ACOT1: variants seen among roughly 807,000 people sequenced by gnomAD.
ACOT1 encodes acyl-coenzyme A thioesterase 1.
In ACOT1, 8 loss-of-function variants were observed where a neutral mutation model predicts 15.7. The ratio of observed to expected loss-of-function variants is 0.51; its 90% CI spans 0.30 to 0.92. ACOT1 has a LOEUF of 0.92. Ranked by LOEUF, ACOT1 falls within the 40% of genes least tolerant of loss-of-function variation. The probability of loss-of-function intolerance (pLI) is 0.06; values close to 1 mark genes in which losing one functional copy is unlikely to be tolerated. For synonymous variants in ACOT1, 67 were observed against 241.2 expected, an observed-to-expected ratio of 0.28 and a Z score of 6.69; for missense variants, 151 against 539.4, an observed-to-expected ratio of 0.28 and a Z score of 7.13.
chr14:73,508,352 C>T, the ACOT1 span: 4 of 1,546,812 alleles, frequency 2.6e-6, no homozygotes, highest in Non-Finnish European at 3.6e-6. Flanking sequence ...CCCTAGAGAA[C>T]AGCCTTTGGA....
the ACOT1 span, among the ~76,000 whole-genome samples, chr14:73,528,178 T>A: frequency 2.0e-5 from 3 of 151,856 alleles, no homozygotes; most frequent in African/African-American, 4.8e-5. Context: ...GCAGATCACC[T>A]GAGGTCAGGA....
At chr14:73,512,583 T>C in the ACOT1 span, among the ~76,000 whole-genome samples, 3 of 152,326 alleles carry the variant, frequency 2.0e-5, no homozygotes, top group African/African-American at 7.2e-5. Context: ...AACCCACATA[T>C]TGAGTTATTC....
At chr14:73,500,674 C>T in the ACOT1 span, 2 of 1,614,196 alleles carry the variant, frequency 1.2e-6, no homozygotes, top group Non-Finnish European at 8.5e-7. Context: ...CTTGAGCTCA[C>T]CTATCAGGTA....
chr14:73,491,553 C>G, the ACOT1 span: 241 of 1,535,748 alleles, frequency 1.6e-4, no homozygotes, highest in Non-Finnish European at 2.0e-4. Context: ...GGTGGGGAGC[C>G]GGCCTGGGAC....
the ACOT1 span, among the ~76,000 whole-genome samples, chr14:73,507,946 A>G: frequency 9.9e-4 from 151 of 152,236 alleles, no homozygotes; most frequent in East Asian, 0.017. Flanking sequence ...GGTTTCACCC[A>G]TGTTGGCCAG....
chr14:73,510,909 A>G, the ACOT1 span, among the ~76,000 whole-genome samples: 1 of 152,236 alleles, frequency 6.6e-6, no homozygotes, highest in Non-Finnish European at 1.5e-5. Flanking sequence ...TATAAGTTAC[A>G]GTATCCAGGG....
At chr14:73,506,915 C>T in the ACOT1 span, among the ~76,000 whole-genome samples, 2 of 148,748 alleles carry the variant, frequency 1.3e-5, no homozygotes, top group East Asian at 4.1e-4. Flanking sequence ...ATTCTGTTGC[C>T]TCAGCCTCCC....
At chr14:73,492,481 G>A in the ACOT1 span, 1 of 1,613,718 alleles carries the variant, frequency 6.2e-7, no homozygotes, top group Non-Finnish European at 8.5e-7. The surrounding 1 kb of genome is among the most constrained non-coding windows in gnomAD (Gnocchi z 4.9). Context: ...TTGCCCGCCT[G>A]GGACACTTTG....
chr14:73,494,407 C>T, the ACOT1 span, among the ~76,000 whole-genome samples: 3 of 152,126 alleles, frequency 2.0e-5, no homozygotes, highest in African/African-American at 4.8e-5. Flanking sequence ...GAGTCTGTCA[C>T]CATAATGGAT....
upstream of ACOT1, among the ~76,000 whole-genome samples, chr14:73,535,031 T>A (rs1888817259): frequency 8.7e-6 from 1 of 114,518 alleles, no homozygotes; most frequent in Non-Finnish European, 1.9e-5. Context: ...CTAACCTGCT[T>A]TTTTTCATCA....
chr14:73,532,063 G>A, the ACOT1 span, among the ~76,000 whole-genome samples: 3 of 114,592 alleles, frequency 2.6e-5, 1 homozygote, highest in African/African-American at 8.5e-5. Context: ...CCCTCTAGAT[G>A]TATGCGGCTC....
chr14:73,509,216 T>TG, the ACOT1 span: 1 of 1,204,368 alleles, frequency 8.3e-7, no homozygotes, highest in Non-Finnish European at 1.2e-6. Flanking sequence ...CAGCAGACAT[T>TG]GCAGAGCATC....
At chr14:73,523,577 T>C in the ACOT1 span, among the ~76,000 whole-genome samples, 1 of 152,306 alleles carries the variant, frequency 6.6e-6, no homozygotes, top group Non-Finnish European at 1.5e-5. Context: ...CATTCAGGGT[T>C]CTCCATGAGT....
the ACOT1 span, chr14:73,491,376 C>T: frequency 2.2e-6 from 3 of 1,359,972 alleles, no homozygotes; most frequent in African/African-American, 3.1e-5. Flanking sequence ...ACCCCGTCGG[C>T]GCGCCTGGTG....
chr14:73,500,425 C>G, the ACOT1 span: 213 of 1,044,310 alleles, frequency 2.0e-4, no homozygotes, highest in Non-Finnish European at 2.7e-4. Flanking sequence ...TTATACACCC[C>G]CTTCCCAGTT....
At position 73,537,865 on chromosome 14, in the gene ACOT1, C is replaced by T. The variant is rs780322881; in HGVS notation, c.444C>T (p.Leu148=). The T allele has an allele frequency of 1.7e-6, 2 of 1,199,022 alleles. 1 individual carries two copies. Among genetic ancestry groups the T allele is most frequent in the Admixed American group, 5.9e-5 (2 of 34,134 alleles). 74.3% of individuals were successfully genotyped at this position (1,199,022 alleles called of 1,614,324 possible). The change falls in exon 1 of 3, where the codon CTC becomes CTT. Residue 148 remains leucine, a synonymous_variant. Coordinates refer to ENST00000311148, the MANE Select transcript of ACOT1 (RefSeq NM_001037161.2). The stretch of plus-strand genomic sequence containing the variant: ...GCGCGGGCCGGGTGCGAGGCACGCT[C>T]TTCCTGCCGCCAGGTGACTCACCTC... ...PVRAGRVRGT[L]FLPPEPGPFP...
chr14:73,522,255 G>A, the ACOT1 span: 23 of 1,606,742 alleles, frequency 1.4e-5, no homozygotes, highest in Non-Finnish European at 2.0e-5. Context: ...GTGCACTTGA[G>A]GCCCTGGCCA....
At chr14:73,501,527 T>C in the ACOT1 span, among the ~76,000 whole-genome samples, 1 of 151,102 alleles carries the variant, frequency 6.6e-6, no homozygotes, top group East Asian at 2.0e-4. Flanking sequence ...GCTGGGATTA[T>C]AGGCACTTAC....
the ACOT1 span, among the ~76,000 whole-genome samples, chr14:73,501,396 A>G: frequency 1.2e-4 from 18 of 151,610 alleles, no homozygotes; most frequent in South Asian, 2.1e-4. Context: ...AAGTGCTGGG[A>G]TTACAGGCAT....
Sources: allele counts gnomAD v4.1 joint callset (sites outside exome capture counted in the v4.1 genomes callset), GRCh38; gene constraint gnomAD v4.1.1; non-coding constraint Gnocchi (gnomAD v3.1); transcripts MANE v1.5; gene names NCBI Gene and HGNC (gene_info 2026-07-23, HGNC 2026-07-21).